The following NUP210 variants were observed in gnomAD, a reference collection of about 807,000 sequenced individuals.
NUP210 encodes nucleoporin 210.
Under a neutral mutation model 196.0 loss-of-function variants are expected in NUP210, and 151 were observed. The ratio of observed to expected loss-of-function variants is 0.77; its 90% CI spans 0.67 to 0.88. The LOEUF is 0.88. Ranked by LOEUF, NUP210 falls within the 40% of genes least tolerant of loss-of-function variation. The pLI is 0.00. For synonymous variants in NUP210, 1,070 were observed against 1,052.7 expected, an observed-to-expected ratio of 1.02 and a Z score of -0.32; for missense variants, 2,314 against 2,493.7, an observed-to-expected ratio of 0.93 and a Z score of 1.53.
chr3:13,351,152 T>C (rs1697958250), intron 20 of NUP210, among the ~76,000 whole-genome samples: 1 of 152,080 alleles, frequency 6.6e-6, no homozygotes, highest in Non-Finnish European at 1.5e-5. Context: ...AAACTTAAAA[T>C]AACATAATAA....
At position 13,343,243 on chromosome 3, in the gene NUP210, G is replaced by C. The variant is rs753316424; in HGVS notation, c.2896C>G (p.Pro966Ala). ...IMIHDLCLVF[P>A]APAKAVVYVS... ...TAAACGACAGCCTTGGCTGGGGCCGGGAAGACGAGGCACAAGTCATGGATC... is the reference window on the plus strand; with the variant it reads ...TAAACGACAGCCTTGGCTGGGGCCGCGAAGACGAGGCACAAGTCATGGATC... The change falls in exon 21 of 40, where the codon CCG becomes GCG. Residue 966 changes from proline (P) to alanine (A), a missense_variant. By Grantham distance (27) the Pro-to-Ala change is conservative. Transcript: ENST00000254508. The C allele has an allele frequency of 6.2e-7, 1 of 1,611,934 alleles. No homozygotes were observed. Among genetic ancestry groups the C allele is most frequent in the Non-Finnish European group, 8.5e-7 (1 of 1,178,766 alleles).
At chr3:13,322,165 C>T (rs1208095450) in intron 35 of NUP210, 28 bp downstream of exon 35, 2 of 1,613,396 alleles carry the variant, frequency 1.2e-6, no homozygotes, top group South Asian at 1.1e-5. Flanking sequence ...TCTCCAAGTC[C>T]CTTTCACTTT....
chr3:13,419,793 C>T (rs1700469665), intron 1 of NUP210, among the ~76,000 whole-genome samples: 1 of 152,094 alleles, frequency 6.6e-6, no homozygotes, highest in Non-Finnish European at 1.5e-5. Flanking sequence ...CCCCTCCTCC[C>T]GCACAACCCA....
Position 13,348,853 on chromosome 3 carries a change from G to A in NUP210, c.2835+3026C>T. 4.1e-6 allele frequency: 4 copies of A among 985,396 alleles called. No individual in the cohort carries two copies. Among genetic ancestry groups the A allele is most frequent in the Non-Finnish European group, 4.8e-6 (4 of 829,916 alleles). 61.0% of individuals were successfully genotyped at this position (985,396 alleles called of 1,614,324 possible). On this transcript the variant is annotated intron_variant, in intron 20 of 39. Transcript: ENST00000254508. The surrounding 1 kb of genome is among the most constrained non-coding windows in gnomAD (Gnocchi z 4.0). Reference sequence around the variant, plus strand: ...CTGGAGACCAACATCAAACGCTGAAGGAAGGTTTTCGAAAACACCCCAAAC... The same window carrying A: ...CTGGAGACCAACATCAAACGCTGAAAGAAGGTTTTCGAAAACACCCCAAAC...
At chr3:13,385,120 C>T (rs759445970) in intron 6 of NUP210, among the ~76,000 whole-genome samples, 12 of 152,200 alleles carry the variant, frequency 7.9e-5, no homozygotes, top group Non-Finnish European at 1.8e-4. Flanking sequence ...TTTTGTCCTC[C>T]TGAGAGAAAG....
intron 32 of NUP210, among the ~76,000 whole-genome samples, chr3:13,326,153 G>A (rs1028156403): frequency 2.0e-5 from 3 of 152,192 alleles, no homozygotes; most frequent in South Asian, 4.1e-4. Flanking sequence ...TGCTGCACCC[G>A]CCCTCTACAG....
At chr3:13,407,920 G>A (rs1700050435) in intron 1 of NUP210, among the ~76,000 whole-genome samples, 1 of 152,150 alleles carries the variant, frequency 6.6e-6, no homozygotes. Context: ...TTAGTGGAAG[G>A]AGAACAAAAA....
chr3:13,360,283 G>C lies in NUP210; in HGVS notation c.2141C>G (p.Ala714Gly). ...CTGCCCACTCACCTGCTCACCCAAG[G>C]CCTGACAGGTCACAAGGATCCAGTG... ...QQHWILVTCQ[A>G]LGEQVIALSV... Residue 714 changes from alanine (A) to glycine (G), a missense_variant, in exon 15 of 40, where the codon GCC becomes GGC. By Grantham distance (60) the Ala-to-Gly change is moderately conservative. Transcript: ENST00000254508. 1 of 1,614,144 alleles carries C rather than the reference G, an allele frequency of 6.2e-7. No individual in the cohort carries two copies. The highest frequency in any genetic ancestry group is 8.5e-7 in the Non-Finnish European group (1 of 1,179,996).
intron 14 of NUP210, among the ~76,000 whole-genome samples, 197 bp from the exon 15 acceptor site, chr3:13,360,688 A>G (rs554315241): frequency 6.6e-5 from 10 of 152,188 alleles, no homozygotes; most frequent in Non-Finnish European, 1.2e-4. Flanking sequence ...TGGGGTGTAG[A>G]TAGAATTAAG....
chr3:13,408,909 G>A (rs189174728), intron 1 of NUP210, among the ~76,000 whole-genome samples: 48 of 152,094 alleles, frequency 3.2e-4, no homozygotes, highest in African/African-American at 1.1e-3. Context: ...CAAAAGCTCC[G>A]TGCAGCAGCA....
chr3:13,355,263 T>C (rs1698130523), intron 16 of NUP210, among the ~76,000 whole-genome samples: 1 of 152,206 alleles, frequency 6.6e-6, no homozygotes, highest in South Asian at 2.1e-4. Flanking sequence ...AGAACTACCC[T>C]TCTCTCATCC....
In NUP210 at chr3:13,325,694, G is replaced by A. The variant is rs146319254; in HGVS notation, c.4644+101C>T. 8,379 of 1,416,694 alleles carry A rather than the reference G, an allele frequency of 5.9e-3. 32 individuals are homozygous for A. The highest frequency in any genetic ancestry group is 0.01 in the South Asian group (820 of 78,246). The allele number at this position is 1,416,694 out of a possible 1,614,324, so 87.8% of individuals were successfully genotyped here. On this transcript the variant is annotated intron_variant, in intron 33 of 39. Transcript: ENST00000254508. ...GACTCCCAGACCCAACCCCTCAGAC[G>A]GCTTTTCCCTAAAAGGAAAAGTCTT...
At chr3:13,358,128 G>A (rs544896666) in intron 16 of NUP210, 94 bp downstream of exon 16, 12 of 1,138,732 alleles carry the variant, frequency 1.1e-5, no homozygotes, top group Admixed American at 4.4e-5. Flanking sequence ...AGCTATGTCC[G>A]TTGCAATGCT....
chr3:13,366,327 T>G (rs1448357359), intron 13 of NUP210, among the ~76,000 whole-genome samples: 1 of 151,756 alleles, frequency 6.6e-6, no homozygotes, highest in African/African-American at 2.4e-5. Context: ...AGACGGGGTT[T>G]CATCATGTTG....
intron 1 of NUP210, among the ~76,000 whole-genome samples, chr3:13,401,045 G>A (rs1699818443): frequency 6.6e-6 from 1 of 151,984 alleles, no homozygotes; most frequent in Non-Finnish European, 1.5e-5. Context: ...ATCACCAGAG[G>A]TCAGGAGTTC....
Position 13,391,255 on chromosome 3 carries a change from C to A in NUP210, c.489G>T (p.Lys163Asn). The change falls in exon 4 of 40, where the codon AAG (lysine) becomes AAT (asparagine). Residue 163 changes from lysine to asparagine, a missense_variant. Lys to Asn is a moderately conservative substitution (Grantham distance 94). Transcript: ENST00000254508. The part of the protein sequence containing the change: ...AGLVFEWTIV[K>N]DSEADRFSDS... ...CTGAGAACCTGTCCGCCTCGGAGTC[C>A]TTCACAATCGTCCACTCGAAGACCA... 1 of 1,612,684 alleles carries A rather than the reference C, an allele frequency of 6.2e-7. No homozygotes were observed. Among genetic ancestry groups the A allele is most frequent in the Non-Finnish European group, 8.5e-7 (1 of 1,179,478 alleles).
chr3:13,320,917 A>G (rs1014109175), intron 36 of NUP210, among the ~76,000 whole-genome samples: 6 of 150,720 alleles, frequency 4.0e-5, no homozygotes, highest in Non-Finnish European at 8.8e-5. Context: ...GGCTAAACCA[A>G]CATGAAGTAT....
chr3:13,341,856 G>A lies in NUP210; in HGVS notation c.3120C>T (p.Tyr1040=), dbSNP rs761398934. The A allele has an allele frequency of 1.9e-6, 3 of 1,614,214 alleles. No homozygotes were observed. The highest frequency in any genetic ancestry group is 2.5e-6 in the Non-Finnish European group (3 of 1,180,038). Residue 1040 remains tyrosine (Y), a synonymous_variant, in exon 23 of 40, where the codon TAC becomes TAT. Transcript: ENST00000254508. The part of the protein sequence containing the change: ...LVALDEALDN[Y]TITFLIRGVA... The stretch of plus-strand genomic sequence containing the variant: ...CACCGCGGATGAGGAATGTGATGGT[G>A]TAGTTGTCAAGGGCTTCATCAAGGG...
chr3:13,380,996 C>A (rs1027167921), intron 6 of NUP210, among the ~76,000 whole-genome samples: 2 of 152,232 alleles, frequency 1.3e-5, no homozygotes, highest in African/African-American at 2.4e-5. Context: ...AACTCCAGGG[C>A]TGGGCTCCAG....
Sources: gnomAD v4.1 joint callset for allele counts (sites outside exome capture counted in the v4.1 genomes callset) on GRCh38, gnomAD v4.1.1 for gene constraint, Gnocchi (gnomAD v3.1) non-coding constraint, MANE v1.5 for transcripts, NCBI Gene and HGNC (gene_info 2026-07-23, HGNC 2026-07-21) for gene names.